LRFN1: variants seen among roughly 807,000 people sequenced by gnomAD.
The protein encoded by LRFN1 is leucine-rich repeat and fibronectin type III domain-containing protein 1.
A neutral mutation model predicts 31.8 loss-of-function variants in LRFN1; 20 were observed. The ratio of observed to expected loss-of-function variants is 0.63; its 90% confidence interval spans 0.44 to 0.91. LRFN1 has a LOEUF of 0.91. LRFN1 is among the 40% of genes least tolerant of loss of function. The pLI, the probability that LRFN1 is intolerant of heterozygous loss-of-function variation, is 0.00. For missense variants in LRFN1, 912 were observed against 1,129.8 expected (o/e 0.81, Z 2.76); for synonymous variants, 514 against 541.3 (o/e 0.95, Z 0.70).
chr19:39,312,588 A>C (rs1205786189), intron 4 of LRFN1, among the ~76,000 whole-genome samples: 1 of 152,120 alleles, frequency 6.6e-6, no homozygotes, highest in South Asian at 2.1e-4. Flanking sequence ...GGATCACTTC[A>C]GCCCAGGAGT....
Position 39,315,291 on chromosome 19 carries a change from C to A in LRFN1, c.46G>T (p.Ala16Ser). The change falls in exon 4 of 5, where the codon GCT becomes TCT. Residue 16 changes from alanine (A) to serine (S), a missense_variant. By Grantham distance (99) the Ala-to-Ser change is moderately conservative. Transcript: ENST00000248668. The surrounding 1 kb of genome is among the most constrained non-coding windows in gnomAD (Gnocchi z 4.7). The part of the protein sequence containing the change: ...FSSALLSPPP[A>S]ALPFLLLLWA... ...AGCAGCAGCAGAAAGGGCAGGGCAGCGGGCGGCGGCGAGAGGAGGGCCGAG... is the reference window on the plus strand; with the variant it reads ...AGCAGCAGCAGAAAGGGCAGGGCAGAGGGCGGCGGCGAGAGGAGGGCCGAG... 3 of 1,497,600 alleles carry A rather than the reference C, an allele frequency of 2.0e-6. No homozygotes were observed. Among genetic ancestry groups the A allele is most frequent in the South Asian group, 1.3e-5 (1 of 77,660 alleles). The allele number at this position is 1,497,600 out of a possible 1,614,324, so 92.8% of individuals were successfully genotyped here.
In LRFN1 at chr19:39,308,371, C is replaced by T; in HGVS notation, c.1578G>A (p.Pro526=). ...TGCCGCCCAAGAAATGGGCCCTCAG[C>T]GGGCGGCAGGGCGCCGGATCCCCAG... ...TTAGDPAPCR[P]LRAHFLGGTM... is the part of the protein sequence containing the mutation. The change falls in exon 5 of 5, where the codon CCG becomes CCA. Residue 526 remains proline (P), a synonymous_variant. Transcript: ENST00000248668. This position sits in a 1 kb window ranked among gnomAD's most constrained non-coding sequence, Gnocchi z 6.2. The T allele has an allele frequency of 1.2e-6, 2 of 1,611,854 alleles. No individual in the cohort carries two copies. Among genetic ancestry groups the T allele is most frequent in the Non-Finnish European group, 1.7e-6 (2 of 1,179,294 alleles).
In LRFN1 at chr19:39,307,329, G is replaced by C. The variant is rs1600480212; in HGVS notation, c.*304C>G. The C allele has an allele frequency of 1.7e-5, 7 of 400,734 alleles. No homozygotes were observed. The East Asian group carries it at 2.5e-4, about 14-fold the overall frequency. The allele number at this position is 400,734 out of a possible 1,614,324, so 24.8% of individuals were successfully genotyped here. ...GTCAGGGGGCCCTGCCCCTCCCCGC[G>C]CTTCGCTGTGTAAGGCACCGGCTCC... is the stretch of plus-strand genomic sequence containing the variant. On this transcript the variant is annotated 3_prime_UTR_variant, in exon 5 of 5. Coordinates refer to ENST00000248668, the MANE Select transcript of LRFN1 (RefSeq NM_020862.2). This position sits in a 1 kb window ranked among gnomAD's most constrained non-coding sequence, Gnocchi z 6.7.
chr19:39,310,080 C>T (rs1438949077), intron 4 of LRFN1, among the ~76,000 whole-genome samples: 1 of 152,190 alleles, frequency 6.6e-6, no homozygotes, highest in Non-Finnish European at 1.5e-5. Flanking sequence ...GCCTCAGCCT[C>T]CCGGACAGCT....
chr19:39,307,969 C>A lies in LRFN1; in HGVS notation c.1980G>T (p.Gly660=). The A allele has an allele frequency of 6.3e-7, 1 of 1,580,048 alleles. No homozygotes were observed. The highest frequency in any genetic ancestry group is 8.5e-7 in the Non-Finnish European group (1 of 1,171,130). ...GGCCCACCGCGGCCCGAGACTCCTC[C>A]CCGGAAGTTTCCTCGGATGGCAGCA... ...LCLLPSEETS[G]EESRAAVGPR... Residue 660 remains glycine (G), a synonymous_variant, in exon 5 of 5, where the codon GGG becomes GGT. Transcript: ENST00000248668. This position sits in a 1 kb window ranked among gnomAD's most constrained non-coding sequence, Gnocchi z 6.7.
chr19:39,318,979 T>G (rs2075180034), intron 1 of LRFN1, among the ~76,000 whole-genome samples: 1 of 152,146 alleles, frequency 6.6e-6, no homozygotes, highest in Admixed American at 6.5e-5. Context: ...CACATGGGCC[T>G]CAAACCCACT....
At position 39,314,058 on chromosome 19, in the gene LRFN1, G is replaced by A. The variant is rs2075160772; in HGVS notation, c.1279C>T (p.Arg427Trp). ...PGANDSAAER[R>W]LVAAELTSNS... ...GAGGTGAGCTCGGCTGCCACGAGCC[G>A]ACGCTCAGCCGCAGAATCGTTGGCA... Residue 427 changes from arginine to tryptophan, a missense_variant, in exon 4 of 5, where the codon CGG becomes TGG. Around this residue, in one of 2 missense-constraint regions of LRFN1, gnomAD observed 511 missense variants for 557.0 expected, o/e 0.92. Coordinates refer to ENST00000248668, the MANE Select transcript of LRFN1 (RefSeq NM_020862.2). 3.1e-6 allele frequency: 5 copies of A among 1,612,040 alleles called. No individual in the cohort carries two copies. The highest frequency in any genetic ancestry group is 1.1e-5 in the South Asian group (1 of 91,038).
rs1321446412 is a variant in LRFN1, at chr19:39,307,587, G to A, written c.*46C>T. 7.3e-7 allele frequency: 1 copy of A among 1,365,056 alleles called. No homozygotes were observed. The highest frequency in any genetic ancestry group is 1.5e-5 in the African/African-American group (1 of 65,078). 84.6% of individuals were successfully genotyped at this position (1,365,056 alleles called of 1,614,324 possible). A position where few individuals can be genotyped will look rare whatever the true frequency, so the allele number is the denominator to read the frequency against. The stretch of plus-strand genomic sequence containing the variant: ...TCCCGCCCCAGCGTCCGTGCGGCTG[G>A]GCGTTTGGTCTGCGGCACCCAGGCG... On this transcript the variant is annotated 3_prime_UTR_variant, in exon 5 of 5. Coordinates refer to ENST00000248668, the MANE Select transcript of LRFN1 (RefSeq NM_020862.2). The surrounding 1 kb of genome is among the most constrained non-coding windows in gnomAD (Gnocchi z 6.7).
chr19:39,313,245 T>C (rs1359651885), intron 4 of LRFN1, among the ~76,000 whole-genome samples: 1 of 152,098 alleles, frequency 6.6e-6, no homozygotes, highest in Non-Finnish European at 1.5e-5. Context: ...TAAATGTCGC[T>C]GTAGGCTAGG....
At chr19:39,310,319 T>C (rs537092374) in intron 4 of LRFN1, among the ~76,000 whole-genome samples, 4 of 152,330 alleles carry the variant, frequency 2.6e-5, no homozygotes, top group South Asian at 2.1e-4. Flanking sequence ...ATGATAATAA[T>C]TCCTACATCA....
intron 4 of LRFN1, among the ~76,000 whole-genome samples, chr19:39,313,537 A>T (rs1450256745): frequency 6.6e-6 from 1 of 152,184 alleles, no homozygotes; most frequent in Non-Finnish European, 1.5e-5. Context: ...GTCTCAAAAC[A>T]AACAAATAAA....
chr19:39,314,567 T>G lies in LRFN1; in HGVS notation c.770A>C (p.Asn257Thr). 6.2e-7 allele frequency: 1 copy of G among 1,610,354 alleles called. No homozygotes were observed. Residue 257 changes from asparagine to threonine, a missense_variant, in exon 4 of 5, where the codon AAC (asparagine) becomes ACC (threonine). Physicochemically the swap from Asn to Thr is moderately conservative, Grantham distance 65. Coordinates refer to ENST00000248668, the MANE Select transcript of LRFN1 (RefSeq NM_020862.2). ...VSFGGNPLHC[N>T]CELLWLRRLT... ...CCGCCGCAGCCAGAGCAGCTCGCAG[T>G]TGCAGTGCAGGGGGTTGCCGCCGAA...
chr19:39,318,049 T>A (rs2145039394), intron 2 of LRFN1, among the ~76,000 whole-genome samples: 1 of 152,202 alleles, frequency 6.6e-6, no homozygotes, highest in African/African-American at 2.4e-5. Context: ...CCCAAACACC[T>A]TAACCATCCT....
intron 4 of LRFN1, among the ~76,000 whole-genome samples, 162 bp downstream of exon 4, chr19:39,313,769 A>T (rs1352358713): frequency 6.6e-6 from 1 of 152,118 alleles, no homozygotes; most frequent in African/African-American, 2.4e-5. Context: ...AAACAGAGAC[A>T]GTGAGAAATA....
In LRFN1 at chr19:39,308,948, C is replaced by T. The variant is rs73546015; in HGVS notation, c.1407-406G>A. Among the ~76,000 whole-genome samples, 2,165 of 152,290 alleles carry T rather than the reference C, an allele frequency of 0.014. 47 individuals carry two copies. Among genetic ancestry groups the T allele is most frequent in the African/African-American group, 0.046 (1,911 of 41,546 alleles). ...GGTCCTTCATCTAGGCATTTCTACC[C>T]CAAAACTGGGCCAACGCTACTGGCC... On this transcript the variant is annotated intron_variant, in intron 4 of 4. Coordinates refer to ENST00000248668, the MANE Select transcript of LRFN1 (RefSeq NM_020862.2). The surrounding 1 kb of genome is among the most constrained non-coding windows in gnomAD (Gnocchi z 6.2).
Position 39,314,933 on chromosome 19 carries a change from C to T in LRFN1, c.404G>A (p.Gly135Asp). The T allele has an allele frequency of 6.2e-7, 1 of 1,605,144 alleles. No individual in the cohort carries two copies. The highest frequency in any genetic ancestry group is 8.5e-7 in the Non-Finnish European group (1 of 1,177,486). The change falls in exon 4 of 5, where the codon GGC becomes GAC. Residue 135 changes from glycine to aspartate, a missense_variant. Physicochemically the swap from Gly to Asp is moderately conservative, Grantham distance 94 (BLOSUM62 -1). Coordinates refer to ENST00000248668, the MANE Select transcript of LRFN1 (RefSeq NM_020862.2). ...LAEVRGDQLRGLGNLRHLILG... is the reference protein window; with the variant it reads ...LAEVRGDQLRDLGNLRHLILG... ...GATCAGGTGGCGGAGGTTGCCCAGGCCGCGGAGCTGGTCGCCGCGCACCTC... is the reference window on the plus strand; with the variant it reads ...GATCAGGTGGCGGAGGTTGCCCAGGTCGCGGAGCTGGTCGCCGCGCACCTC...
chr19:39,310,021 G>A (rs1457585630), intron 4 of LRFN1, among the ~76,000 whole-genome samples: 4 of 152,150 alleles, frequency 2.6e-5, no homozygotes, highest in Non-Finnish European at 5.9e-5. Context: ...ACAATGACGC[G>A]ATCTCGGCTC....
Position 39,307,258 on chromosome 19 carries a change from C to G in LRFN1, c.*375G>C, listed in dbSNP as rs567419668. ...AAGAAATGGGCCCCTCGCCCCGGCC[C>G]CGGGTGACGGGCTGGGGGAGGGGGC... is the stretch of plus-strand genomic sequence containing the variant. On this transcript the variant is annotated 3_prime_UTR_variant, in exon 5 of 5. Transcript: ENST00000248668. This position sits in a 1 kb window ranked among gnomAD's most constrained non-coding sequence, Gnocchi z 6.7. 7 of 398,400 alleles carry G rather than the reference C, an allele frequency of 1.8e-5. No homozygotes were observed. In the South Asian group the frequency reaches 8.9e-4, roughly 51 times the overall value. 24.7% of individuals were successfully genotyped at this position (398,400 alleles called of 1,614,324 possible). A position where few individuals can be genotyped will look rare whatever the true frequency, so the allele number is the denominator to read the frequency against.
chr19:39,308,549 GA>G lies in LRFN1; in HGVS notation c.1407-8del. On this transcript the variant is annotated splice_region_variant and splice_polypyrimidine_tract_variant and intron_variant, in intron 4 of 4. Coordinates refer to ENST00000248668, the MANE Select transcript of LRFN1 (RefSeq NM_020862.2). The surrounding 1 kb of genome is among the most constrained non-coding windows in gnomAD (Gnocchi z 6.2). ...ACTGGTGGACGGGATCATCCTGTAGGAGGGGGCGGGTTCAGGGCGGGGTTAG... is the reference window on the plus strand; with the variant it reads ...ACTGGTGGACGGGATCATCCTGTAGGGGGGGCGGGTTCAGGGCGGGGTTAG... 6.3e-7 allele frequency: 1 copy of G among 1,577,778 alleles called. No individual in the cohort carries two copies.
Sources: gnomAD v4.1 joint callset for allele counts (sites outside exome capture counted in the v4.1 genomes callset) on GRCh38, gnomAD v4.1.1 for gene constraint, gnomAD v4.1.1 regional missense constraint, Gnocchi (gnomAD v3.1) non-coding constraint, MANE v1.5 for transcripts, NCBI Gene and HGNC (gene_info 2026-07-23, HGNC 2026-07-21) for gene names.